The following RAD51B variants were observed in gnomAD, a reference collection of about 807,000 sequenced individuals.
RAD51B encodes DNA repair protein RAD51 homolog 2.
In RAD51B, 38 loss-of-function variants were observed where a neutral mutation model predicts 42.2. The ratio of observed to expected loss-of-function variants is 0.90; its 90% CI spans 0.70 to 1.18. The LOEUF is 1.18. Ranked by LOEUF, RAD51B falls within the 50% of genes most tolerant of loss-of-function variation. The probability of loss-of-function intolerance (pLI) is 0.00; values close to 1 mark genes in which losing one functional copy is unlikely to be tolerated. For missense variants in RAD51B, 373 were observed against 400.7 expected (o/e 0.93, Z 0.59); for synonymous variants, 154 against 145.2 (o/e 1.06, Z -0.43).
At chr14:68,053,490 T>C (rs1236911522) in intron 7 of RAD51B, among the ~76,000 whole-genome samples, 1 of 152,202 alleles carries the variant, frequency 6.6e-6, no homozygotes, top group Non-Finnish European at 1.5e-5. Context: ...GCATAGTACC[T>C]GGCTTCTAGA....
At position 68,181,951 on chromosome 14, in the gene RAD51B, T is replaced by C. The variant is rs567555831; in HGVS notation, c.757-109933T>C. Among the ~76,000 whole-genome samples the C allele has an allele frequency of 2.6e-5, 4 of 152,348 alleles. No individual in the cohort carries two copies. The East Asian group carries it at 7.7e-4, about 29-fold the overall frequency. ...TTTAAGACAGTACATTTATGTATAT[T>C]TTTCATTTAGATCCATTGCCACCTA... is the stretch of plus-strand genomic sequence containing the variant. On this transcript the variant is annotated intron_variant, in intron 7 of 10. Coordinates refer to ENST00000471583, the MANE Select transcript of RAD51B (RefSeq NM_133510.4).
intron 11 of RAD51B, among the ~76,000 whole-genome samples, chr14:68,674,315 T>C (rs776294128): frequency 3.2e-4 from 49 of 152,248 alleles, no homozygotes; most frequent in Non-Finnish European, 7.1e-4. Context: ...TTCCTCCTAA[T>C]TACAAAAATA....
intron 7 of RAD51B, among the ~76,000 whole-genome samples, chr14:68,133,617 G>A (rs187240981): frequency 2.0e-5 from 3 of 152,014 alleles, no homozygotes; most frequent in East Asian, 1.9e-4. Flanking sequence ...GACTACAGGC[G>A]CACACCACCA....
chr14:68,519,041 CT>C (rs765722565), intron 10 of RAD51B, among the ~76,000 whole-genome samples: 4 of 152,078 alleles, frequency 2.6e-5, no homozygotes, highest in Non-Finnish European at 4.4e-5. Context: ...TTGCACAAAC[CT>C]TTTCCCAACT....
intron 11 of RAD51B, among the ~76,000 whole-genome samples, chr14:68,680,901 T>G (rs1893414248): frequency 6.6e-6 from 1 of 151,962 alleles, no homozygotes; most frequent in Non-Finnish European, 1.5e-5. Context: ...GAGAAATGGC[T>G]TTTTTTAGGC....
intron 7 of RAD51B, among the ~76,000 whole-genome samples, chr14:68,101,121 A>G (rs1386213764): frequency 6.6e-6 from 1 of 152,194 alleles, no homozygotes; most frequent in Non-Finnish European, 1.5e-5. Context: ...TCACAAGAAC[A>G]GCAGCATGTT....
chr14:68,610,668 C>T lies in RAD51B; in HGVS notation c.1037-338C>T, dbSNP rs1208890716. 5.9e-5 allele frequency among the ~76,000 whole-genome samples: 9 copies of T among 152,186 alleles called. No homozygotes were observed. The South Asian group carries it at 6.2e-4, about 10-fold the overall frequency. On this transcript the variant is annotated intron_variant, in intron 10 of 10. Coordinates refer to the RAD51B transcript ENST00000487861. ...CAGTCTTCTGGTCCCTCTTTTTGTTCGCCTGTTTTATCTTCCAGAGACACC... is the reference window on the plus strand; with the variant it reads ...CAGTCTTCTGGTCCCTCTTTTTGTTTGCCTGTTTTATCTTCCAGAGACACC...
rs778136542 is a variant in RAD51B, at chr14:68,331,367, C to CAAAAAAAAAAAAAAAA, written c.853+39390_853+39405dup. Among the ~76,000 whole-genome samples the CAAAAAAAAAAAAAAAA allele has an allele frequency of 2.7e-3, 88 of 32,918 alleles. 9 individuals are homozygous for CAAAAAAAAAAAAAAAA. The highest frequency in any genetic ancestry group is 5.1e-3 in the African/African-American group (66 of 12,856). The allele number at this position is 32,918 out of a possible 152,430, so 21.6% of individuals were successfully genotyped here. A position where few individuals can be genotyped will look rare whatever the true frequency, so the allele number is the denominator to read the frequency against. ...TGGGCTACAGAACGAGACTCTGTCT[C>CAAAAAAAAAAAAAAAA]AAAAAAAAAAAAAAAAAAGCAATGG... On this transcript the variant is annotated intron_variant, in intron 8 of 10. Coordinates refer to ENST00000471583, the MANE Select transcript of RAD51B (RefSeq NM_133510.4).
chr14:68,244,557 A>G (rs2080455913), intron 7 of RAD51B, among the ~76,000 whole-genome samples: 1 of 152,172 alleles, frequency 6.6e-6, no homozygotes, highest in Non-Finnish European at 1.5e-5. Context: ...AGGCTTTTTG[A>G]AGCCATTGTA....
intron 5 of RAD51B, among the ~76,000 whole-genome samples, chr14:67,865,426 A>G (rs1011899901): frequency 6.6e-6 from 1 of 151,434 alleles, no homozygotes; most frequent in Admixed American, 6.6e-5. Context: ...TAGTAGAGAC[A>G]GGGTTTCACC....
intron 10 of RAD51B, among the ~76,000 whole-genome samples, chr14:68,530,901 TA>T (rs1472907650): frequency 6.6e-6 from 1 of 152,016 alleles, no homozygotes; most frequent in Non-Finnish European, 1.5e-5. Context: ...AAAAGTTAAA[TA>T]AAAAAGTAAT....
intron 10 of RAD51B, among the ~76,000 whole-genome samples, chr14:68,486,170 G>T (rs1161900341): frequency 1.3e-5 from 2 of 152,212 alleles, no homozygotes; most frequent in Non-Finnish European, 2.9e-5. Flanking sequence ...TGAACTCCGG[G>T]TATGTCAAAG....
intron 8 of RAD51B, among the ~76,000 whole-genome samples, chr14:68,397,946 G>C (rs2083973785): frequency 6.6e-6 from 1 of 152,170 alleles, no homozygotes; most frequent in Non-Finnish European, 1.5e-5. Context: ...CATATGTGAG[G>C]CCAGCATTCC....
intron 7 of RAD51B, among the ~76,000 whole-genome samples, chr14:68,220,351 A>T (rs1295781): frequency 0.2 from 30,401 of 152,188 alleles, 3,506 homozygotes; most frequent in Middle Eastern, 0.37. Context: ...ATAAACAGAA[A>T]TAAAATTAAA....
intron 11 of RAD51B, among the ~76,000 whole-genome samples, chr14:68,676,275 C>T (rs2140159726): frequency 6.6e-6 from 1 of 152,250 alleles, no homozygotes; most frequent in East Asian, 1.9e-4. Flanking sequence ...TGCCCTGGGT[C>T]ATTCAGCTGG....
intron 7 of RAD51B, among the ~76,000 whole-genome samples, chr14:68,138,799 A>G (rs376805523): frequency 6.6e-6 from 1 of 152,200 alleles, no homozygotes; most frequent in Non-Finnish European, 1.5e-5. Flanking sequence ...ACAGACTTTT[A>G]TAGCTTAACT....
At chr14:68,077,243 A>C (rs1375912285) in intron 7 of RAD51B, among the ~76,000 whole-genome samples, 1 of 152,156 alleles carries the variant, frequency 6.6e-6, no homozygotes, top group Admixed American at 6.6e-5. Flanking sequence ...TATGATTTAG[A>C]CTGTTTGTTG....
At chr14:67,951,138 A>G (rs1595155927) in intron 7 of RAD51B, among the ~76,000 whole-genome samples, 1 of 152,342 alleles carries the variant, frequency 6.6e-6, no homozygotes, top group Middle Eastern at 3.4e-3. Context: ...TATTGGAAAA[A>G]TGGCAGTCAT....
At chr14:67,956,452 C>G (rs905887637) in intron 7 of RAD51B, among the ~76,000 whole-genome samples, 17 of 152,102 alleles carry the variant, frequency 1.1e-4, no homozygotes, top group Admixed American at 1.1e-3. Context: ...TGCCAATGTA[C>G]CCCAGCCTGG....
Sources: allele counts gnomAD v4.1 joint callset (sites outside exome capture counted in the v4.1 genomes callset), GRCh38; gene constraint gnomAD v4.1.1; transcripts MANE v1.5; gene names NCBI Gene and HGNC (gene_info 2026-07-23, HGNC 2026-07-21).